The following MRPL48 variants were observed in gnomAD, a reference collection of about 807,000 sequenced individuals.
MRPL48 encodes the protein large ribosomal subunit protein mL48.
MRPL48 carries 16 observed loss-of-function variants against 32.9 expected under a neutral mutation model. The observed-to-expected ratio is 0.49, with a 90% CI of 0.33 to 0.74. MRPL48 has a LOEUF of 0.74. MRPL48 is among the 30% of genes least tolerant of loss of function. The pLI is 0.02. For missense variants in MRPL48, 206 were observed against 245.3 expected (o/e 0.84, Z 1.07); for synonymous variants, 94 against 89.2 (o/e 1.05, Z -0.31).
At position 73,825,691 on chromosome 11, in the gene MRPL48, T is replaced by C. The variant is rs1947874930; in HGVS notation, c.113-17T>C. The C allele has an allele frequency of 1.3e-6, 2 of 1,547,478 alleles. No homozygotes were observed. Among genetic ancestry groups the C allele is most frequent in the African/African-American group, 2.7e-5 (2 of 72,878 alleles). On this transcript the variant is annotated splice_polypyrimidine_tract_variant and intron_variant, in intron 3 of 7. Coordinates refer to ENST00000310614, the MANE Select transcript of MRPL48 (RefSeq NM_016055.6). ...CAACAACAAAAAAACAGGTTTGTCT[T>C]ATTTTCTCTCTTTTAGGTGGAATTC...
At chr11:73,805,571 C>G (rs886485981) in intron 2 of MRPL48, among the ~76,000 whole-genome samples, 4 of 151,796 alleles carry the variant, frequency 2.6e-5, no homozygotes, top group African/African-American at 9.7e-5. Context: ...GCTGGAATTA[C>G]AGGTGTGGGC....
intron 5 of MRPL48, among the ~76,000 whole-genome samples, chr11:73,846,532 T>C (rs1340538019): frequency 6.6e-6 from 1 of 151,768 alleles, no homozygotes; most frequent in Non-Finnish European, 1.5e-5. Flanking sequence ...ATTTTTGTAT[T>C]TTTAATAGAG....
rs1413299156 is a variant in MRPL48, at chr11:73,859,418, A to T, written c.372-489A>T. Among the ~76,000 whole-genome samples the T allele has an allele frequency of 2.6e-5, 4 of 151,862 alleles. No homozygotes were observed. In the East Asian group the frequency reaches 7.7e-4, roughly 29 times the overall value. On this transcript the variant is annotated intron_variant, in intron 5 of 7. Transcript: ENST00000310614. ...CACCTCAGCCTCCTGAGTAGCTGGG[A>T]CTACAGGTGTGTGCCACCACACCTA...
intron 6 of MRPL48, among the ~76,000 whole-genome samples, chr11:73,861,186 T>A (rs975787425): frequency 6.6e-6 from 1 of 152,234 alleles, no homozygotes; most frequent in African/African-American, 2.4e-5. Flanking sequence ...TTTGGCTTTT[T>A]AAATATTATC....
chr11:73,840,860 G>C (rs1948175273), intron 4 of MRPL48, among the ~76,000 whole-genome samples: 2 of 152,160 alleles, frequency 1.3e-5, no homozygotes, highest in Non-Finnish European at 1.5e-5. Context: ...AAGGTACAGA[G>C]AGGGAGAAGA....
chr11:73,853,932 C>G (rs568530576), intron 5 of MRPL48, among the ~76,000 whole-genome samples: 1 of 151,872 alleles, frequency 6.6e-6, no homozygotes, highest in Non-Finnish European at 1.5e-5. Context: ...CCTCGTGATC[C>G]GCCCACCTCG....
intron 4 of MRPL48, among the ~76,000 whole-genome samples, chr11:73,841,667 T>C (rs1039383116): frequency 6.6e-6 from 1 of 152,214 alleles, no homozygotes; most frequent in African/African-American, 2.4e-5. Context: ...GGTAATGTTC[T>C]GTTTCTTGTC....
At chr11:73,837,066 C>T (rs1196885795) in intron 4 of MRPL48, among the ~76,000 whole-genome samples, 2 of 152,172 alleles carry the variant, frequency 1.3e-5, no homozygotes, top group Admixed American at 1.3e-4. Context: ...GTACTTAACC[C>T]CAAATCATTC....
chr11:73,836,411 C>G (rs1022628018), intron 4 of MRPL48, among the ~76,000 whole-genome samples: 1 of 152,128 alleles, frequency 6.6e-6, no homozygotes, highest in Non-Finnish European at 1.5e-5. Flanking sequence ...GTTGGCCAGT[C>G]TGGTCTCGAA....
At chr11:73,836,974 A>G (rs1291993236) in intron 4 of MRPL48, among the ~76,000 whole-genome samples, 2 of 152,170 alleles carry the variant, frequency 1.3e-5, no homozygotes, top group African/African-American at 2.4e-5. Context: ...CCTTTTGTCC[A>G]TATGTCTCTC....
intron 1 of MRPL48, among the ~76,000 whole-genome samples, chr11:73,795,226 C>A (rs1355360084): frequency 6.6e-6 from 1 of 151,706 alleles, no homozygotes; most frequent in Non-Finnish European, 1.5e-5. Flanking sequence ...TCATGCCCGG[C>A]TAATTTTTGT....
chr11:73,835,351 A>G (rs1292768118), intron 4 of MRPL48, among the ~76,000 whole-genome samples: 1 of 151,484 alleles, frequency 6.6e-6, no homozygotes, highest in East Asian at 2.0e-4. Flanking sequence ...CATTTTGGCT[A>G]GGATAGTCTC....
chr11:73,820,639 G>A (rs116320303), intron 3 of MRPL48, among the ~76,000 whole-genome samples: 105 of 152,172 alleles, frequency 6.9e-4, no homozygotes, highest in Middle Eastern at 3.4e-3. Context: ...TACACATGCT[G>A]TTTCCTCTAC....
chr11:73,805,824 C>T lies in MRPL48; in HGVS notation c.74+745C>T, dbSNP rs1176852879. Among the ~76,000 whole-genome samples, 8 of 150,988 alleles carry T rather than the reference C, an allele frequency of 5.3e-5. No individual in the cohort carries two copies. The South Asian group carries it at 6.3e-4, about 12-fold the overall frequency. ...CAGGCATGTACTAGCATGCCCCATT[C>T]GTTTTTGTATTTTTTGTGGAGACAG... On this transcript the variant is annotated intron_variant, in intron 2 of 7. Coordinates refer to ENST00000310614, the MANE Select transcript of MRPL48 (RefSeq NM_016055.6).
intron 7 of MRPL48, 145 bp downstream of exon 7, chr11:73,863,406 G>C (rs1948617999): frequency 1.4e-6 from 1 of 719,106 alleles, no homozygotes; most frequent in Non-Finnish European, 2.3e-6. Context: ...TGTACACTCT[G>C]ATGACACTGT....
chr11:73,808,498 C>T lies in MRPL48; in HGVS notation c.112+148C>T. 7 of 747,630 alleles carry T rather than the reference C, an allele frequency of 9.4e-6. No homozygotes were observed. In the South Asian group the frequency reaches 1.3e-4, roughly 13 times the overall value. 46.3% of individuals were successfully genotyped at this position (747,630 alleles called of 1,614,324 possible). On this transcript the variant is annotated intron_variant, in intron 3 of 7. Transcript: ENST00000310614. ...CCCTCCATGTGAGCATGGAATAGAA[C>T]CATGGGTGAGAACATCAAGTAGTGG...
At chr11:73,808,935 A>T (rs72989236) in intron 3 of MRPL48, among the ~76,000 whole-genome samples, 12 of 151,684 alleles carry the variant, frequency 7.9e-5, no homozygotes, top group African/African-American at 1.5e-4. Flanking sequence ...AAAAAAAAAA[A>T]AATAATGAGA....
At chr11:73,794,080 G>A (rs1332112814) in intron 1 of MRPL48, among the ~76,000 whole-genome samples, 4 of 151,692 alleles carry the variant, frequency 2.6e-5, no homozygotes, top group African/African-American at 7.3e-5. Context: ...CCAGCTACTC[G>A]GGAGGCTGAG....
intron 6 of MRPL48, among the ~76,000 whole-genome samples, chr11:73,862,870 G>A (rs1948607060): frequency 6.6e-6 from 1 of 152,186 alleles, no homozygotes; most frequent in Non-Finnish European, 1.5e-5. Flanking sequence ...GGTGAGCTAT[G>A]ATTGTTCTAC....
Sources: allele counts gnomAD v4.1 joint callset (sites outside exome capture counted in the v4.1 genomes callset), GRCh38; gene constraint gnomAD v4.1.1; transcripts MANE v1.5; gene names NCBI Gene and HGNC (gene_info 2026-07-23, HGNC 2026-07-21).